The following GRK4 variants were observed in gnomAD, a reference collection of about 807,000 sequenced individuals.
The protein encoded by GRK4 is G protein-coupled receptor kinase 2-like.
In GRK4, 73 loss-of-function variants were observed where a neutral mutation model predicts 77.9. The observed-to-expected ratio is 0.94, with a 90% CI of 0.78 to 1.14. GRK4 has a LOEUF of 1.14. GRK4 is among the 50% of genes most tolerant of loss of function. The pLI is 0.00. For missense variants in GRK4, 729 were observed against 700.2 expected, an observed-to-expected ratio of 1.04 and a Z score of -0.46; for synonymous variants, 257 against 254.4, an observed-to-expected ratio of 1.01 and a Z score of -0.10.
intron 1 of GRK4, among the ~76,000 whole-genome samples, chr4:2,972,174 A>G (rs576222270): frequency 1.3e-5 from 2 of 152,220 alleles, no homozygotes; most frequent in East Asian, 3.9e-4. Flanking sequence ...GGGACCTCAA[A>G]AACTTAAGAG....
intron 10 of GRK4, among the ~76,000 whole-genome samples, chr4:3,027,419 A>C (rs1737879802): frequency 6.6e-6 from 1 of 152,234 alleles, no homozygotes; most frequent in Non-Finnish European, 1.5e-5. Flanking sequence ...CACATAATAT[A>C]GTTCCCTAAG....
chr4:3,023,475 T>G (rs962427395), intron 10 of GRK4, among the ~76,000 whole-genome samples: 1 of 152,198 alleles, frequency 6.6e-6, no homozygotes, highest in Non-Finnish European at 1.5e-5. Flanking sequence ...AGGGCAGTCG[T>G]GGGGGACTTG....
chr4:2,965,556 A>G, intron 1 of GRK4: 1 of 669,618 alleles, frequency 1.5e-6, no homozygotes, highest in Non-Finnish European at 2.7e-6. Context: ...TTTAAAGGAC[A>G]GTCTGGAGCC....
intron 7 of GRK4, among the ~76,000 whole-genome samples, chr4:3,013,458 A>G (rs540241930): frequency 4.6e-5 from 7 of 152,304 alleles, no homozygotes; most frequent in Admixed American, 4.6e-4. Flanking sequence ...GTGATCACCT[A>G]TGCCAACTAG....
At chr4:2,998,008 C>T (rs1485427547) in intron 4 of GRK4, among the ~76,000 whole-genome samples, 1 of 151,754 alleles carries the variant, frequency 6.6e-6, no homozygotes, top group African/African-American at 2.4e-5. Flanking sequence ...CTAGGGTCAA[C>T]TGTAAGTTCC....
At chr4:2,990,246 C>CTTTTTTT (rs71644371) in intron 3 of GRK4, among the ~76,000 whole-genome samples, 46 of 70,752 alleles carry the variant, frequency 6.5e-4, no homozygotes, top group Non-Finnish European at 7.8e-4. Flanking sequence ...TCTTCTTCTT[C>CTTTTTTT]TTTTTTTTTT....
chr4:3,026,991 G>A (rs1048594066), intron 10 of GRK4, among the ~76,000 whole-genome samples: 2 of 152,220 alleles, frequency 1.3e-5, no homozygotes, highest in African/African-American at 2.4e-5. Context: ...GATAGTGTCC[G>A]CTTCCAGGGC....
At chr4:3,010,082 A>C (rs1732441558) in intron 7 of GRK4, among the ~76,000 whole-genome samples, 1 of 152,338 alleles carries the variant, frequency 6.6e-6, no homozygotes. Flanking sequence ...AGAGTGAATT[A>C]GTAAATATAC....
rs781539305 is a variant in GRK4 at position 3,029,307 on chromosome 4, C to G, written c.1167C>G (p.Tyr389Ter). Residue 389 changes from tyrosine (Y) to a stop codon, truncating the protein, a stop_gained, in exon 12 of 16, where the codon TAC becomes TAG. Transcript: ENST00000398052. LOFTEE classifies it high-confidence loss of function. ...MIQGHSPFKK[Y>*]KEKVKWEEVD... ...AGGGACATTCTCCATTCAAAAAATA[C>G]AAAGAGAAAGTCAAATGGGAGGAGG... The G allele has an allele frequency of 5.6e-6, 9 of 1,613,704 alleles. No homozygotes were observed. The highest frequency in any genetic ancestry group is 6.8e-6 in the Non-Finnish European group (8 of 1,179,808).
chr4:3,000,975 C>T (rs1411894327), intron 4 of GRK4, among the ~76,000 whole-genome samples: 4 of 151,336 alleles, frequency 2.6e-5, no homozygotes, highest in Non-Finnish European at 5.9e-5. Flanking sequence ...GTGTGTGTTT[C>T]AGTCTTGGCT....
chr4:3,027,828 AG>A, intron 10 of GRK4, 83 bp from the exon 11 acceptor site: 3 of 1,061,738 alleles, frequency 2.8e-6, no homozygotes, highest in Non-Finnish European at 4.3e-6. Flanking sequence ...ATGGTTTTTG[AG>A]GGGCCTTTTT....
intron 2 of GRK4, chr4:2,987,084 C>T (rs559626770): frequency 9.2e-5 from 47 of 512,402 alleles, no homozygotes; most frequent in African/African-American, 5.6e-4. Context: ...CAAAAAGAAA[C>T]GCCACACCCA....
At chr4:3,039,802 T>G (rs565330230) in intron 15 of GRK4, among the ~76,000 whole-genome samples, 2 of 150,992 alleles carry the variant, frequency 1.3e-5, no homozygotes, top group East Asian at 1.9e-4. Context: ...AAGGGTTAGG[T>G]GTGAACTAAC....
intron 8 of GRK4, among the ~76,000 whole-genome samples, chr4:3,016,374 GGT>G (rs1734487446): frequency 6.6e-6 from 1 of 151,560 alleles, no homozygotes; most frequent in South Asian, 2.1e-4. Context: ...AAATTAGCTG[GGT>G]GTGTGGTGGC....
At chr4:2,980,121 A>T (rs1239703233) in intron 1 of GRK4, among the ~76,000 whole-genome samples, 1 of 152,046 alleles carries the variant, frequency 6.6e-6, no homozygotes, top group African/African-American at 2.4e-5. Flanking sequence ...CAGCTGCCTG[A>T]CCCTCCACAG....
At chr4:3,005,531 G>C (rs13111546) in intron 5 of GRK4, among the ~76,000 whole-genome samples, 2 of 152,122 alleles carry the variant, frequency 1.3e-5, no homozygotes, top group Non-Finnish European at 2.9e-5. Flanking sequence ...GGCCGGGCGC[G>C]GTGGCTCACG....
At chr4:3,015,973 A>C (rs1734364740) in intron 8 of GRK4, among the ~76,000 whole-genome samples, 1 of 149,052 alleles carries the variant, frequency 6.7e-6, no homozygotes, top group African/African-American at 2.5e-5. Flanking sequence ...CAGTGGCGCG[A>C]TCTTGGCTCA....
chr4:2,972,442 C>A (rs752907120), intron 1 of GRK4, among the ~76,000 whole-genome samples: 1 of 152,150 alleles, frequency 6.6e-6, no homozygotes, highest in Non-Finnish European at 1.5e-5. Flanking sequence ...TGTGCTGTGC[C>A]AGTGGAGACT....
At chr4:2,970,612 C>T (rs1278673551) in intron 1 of GRK4, among the ~76,000 whole-genome samples, 4 of 150,428 alleles carry the variant, frequency 2.7e-5, no homozygotes, top group East Asian at 4.0e-4. Flanking sequence ...GAGCCGAGAT[C>T]GTGCCACTGC....
Sources: allele counts gnomAD v4.1 joint callset (sites outside exome capture counted in the v4.1 genomes callset), GRCh38; gene constraint gnomAD v4.1.1; transcripts MANE v1.5; gene names NCBI Gene and HGNC (gene_info 2026-07-23, HGNC 2026-07-21).